Variants in GTF3C2 observed in about 807,000 individuals in gnomAD.
GTF3C2 encodes the protein general transcription factor IIIC subunit 2, also known as general transcription factor 3C polypeptide 2.
Under a neutral mutation model 117.4 loss-of-function variants are expected in GTF3C2, and 17 were observed. The observed-to-expected ratio is 0.14, with a 90% confidence interval of 0.10 to 0.22. The LOEUF is 0.22. Among genes scored for constraint, GTF3C2 ranks in the 10% least tolerant of loss-of-function variants. GTF3C2 has a pLI of 1.00. For synonymous variants in GTF3C2, 437 were observed against 427.0 expected (o/e 1.02, Z -0.29); for missense variants, 888 against 1,143.6 (o/e 0.78, Z 3.22).
At chr2:27,354,925 T>A (rs950345258) in intron 1 of GTF3C2, among the ~76,000 whole-genome samples, 1 of 152,178 alleles carries the variant, frequency 6.6e-6, no homozygotes, top group Non-Finnish European at 1.5e-5. Context: ...AGTACAAATC[T>A]CTTCATTAAT....
Position 27,337,226 on chromosome 2 carries a change from C to G in GTF3C2, c.1127+18G>C. The G allele has an allele frequency of 7.0e-7, 1 of 1,431,994 alleles. No individual in the cohort carries two copies. The highest frequency in any genetic ancestry group is 1.2e-5 in the South Asian group (1 of 84,388). 88.7% of individuals were successfully genotyped at this position (1,431,994 alleles called of 1,614,324 possible). A position where few individuals can be genotyped will look rare whatever the true frequency, so the allele number is the denominator to read the frequency against. On this transcript the variant is annotated intron_variant, in intron 7 of 18. Transcript: ENST00000264720. ...TGGCTCCTAGAATCAGAAAAAAGGG[C>G]GGATGTGCAATCTTCACCTGTTTAT...
intron 1 of GTF3C2, among the ~76,000 whole-genome samples, chr2:27,347,661 G>A (rs887595298): frequency 2.0e-5 from 3 of 152,200 alleles, no homozygotes; most frequent in Non-Finnish European, 4.4e-5. Context: ...AAAAATTCCT[G>A]CACTTTCAAA....
chr2:27,327,370 T>C (rs1354697478), intron 17 of GTF3C2, 86 bp from the exon 18 acceptor site: 13 of 643,674 alleles, frequency 2.0e-5, no homozygotes, highest in Admixed American at 7.7e-5. Flanking sequence ...TCACCCAGGC[T>C]GGAGTGCAGT....
intron 1 of GTF3C2, among the ~76,000 whole-genome samples, chr2:27,355,747 C>G (rs1456370608): frequency 6.6e-6 from 1 of 152,132 alleles, no homozygotes; most frequent in East Asian, 1.9e-4. Context: ...TATGAAATTA[C>G]TTTGAATACA....
intron 12 of GTF3C2, 197 bp downstream of exon 12, chr2:27,333,458 C>T (rs1157118318): frequency 1.9e-6 from 1 of 515,310 alleles, no homozygotes; most frequent in African/African-American, 1.9e-5. Context: ...CCTGGCCCAG[C>T]ATCTATGTAC....
Position 27,329,625 on chromosome 2 carries a change from A to T in GTF3C2, c.1733-102T>A. The T allele has an allele frequency of 9.2e-7, 1 of 1,090,348 alleles. No individual in the cohort carries two copies. The highest frequency in any genetic ancestry group is 1.3e-6 in the Non-Finnish European group (1 of 740,818). The allele number at this position is 1,090,348 out of a possible 1,614,324, so 67.5% of individuals were successfully genotyped here. On this transcript the variant is annotated intron_variant, in intron 12 of 18. Transcript: ENST00000264720. This position sits in a 1 kb window ranked among gnomAD's most constrained non-coding sequence, Gnocchi z 4.5. ...TAGGACCTTTGTCTTCTACCCTCAG[A>T]TCCAAACCACTATGAAAGGATGTGG... is the stretch of plus-strand genomic sequence containing the variant.
At chr2:27,342,315 A>T (rs1310268671) in intron 3 of GTF3C2, 82 bp from the exon 4 acceptor site, 1 of 1,116,826 alleles carries the variant, frequency 9.0e-7, no homozygotes, top group African/African-American at 1.6e-5. Flanking sequence ...TTTTATCTCA[A>T]TGGAGCCTCC....
rs544825914 is a variant in GTF3C2 at position 27,350,860 on chromosome 2, A to G, written c.-25+5879T>C. Among the ~76,000 whole-genome samples the G allele has an allele frequency of 3.9e-5, 6 of 151,942 alleles. No individual in the cohort carries two copies. The East Asian group carries it at 5.8e-4, about 15-fold the overall frequency. ...GCTACTCGGGAGGCTGAGGCAGGAG[A>G]ATCGCTTGAATACAGGAGGCAGAGT... On this transcript the variant is annotated intron_variant, in intron 1 of 18. Transcript: ENST00000264720.
exon 15 of GTF3C2, chr2:27,328,859 T>G: frequency 6.2e-7 from 1 of 1,612,848 alleles, no homozygotes. Flanking sequence ...CGGTGCCTTT[T>G]CGAGGAGCAG....
intron 4 of GTF3C2, chr2:27,338,235 T>C: frequency 1.8e-6 from 1 of 541,262 alleles, no homozygotes; most frequent in South Asian, 2.1e-5. Flanking sequence ...ATCTGTTACC[T>C]ATTTTCTGTT....
chr2:27,328,537 G>A (rs1363257196), exon 16 of GTF3C2: 5 of 1,609,088 alleles, frequency 3.1e-6, no homozygotes, highest in Non-Finnish European at 4.3e-6. Context: ...TAGCAGCAAT[G>A]AGCTCCCCGG....
exon 19 of GTF3C2, chr2:27,326,322 G>T: frequency 2.2e-6 from 1 of 456,998 alleles, no homozygotes. Context: ...CCATTCACAA[G>T]TGGTCACAAA....
intron 1 of GTF3C2, among the ~76,000 whole-genome samples, chr2:27,352,995 C>T (rs748136066): frequency 6.6e-6 from 1 of 152,174 alleles, no homozygotes; most frequent in Non-Finnish European, 1.5e-5. Flanking sequence ...TTTGCAAACT[C>T]ACCTCTTTTG....
rs565342096 is a variant in GTF3C2, at chr2:27,355,267, A to G, written c.-25+1472T>C. ...GCCGGGCACGGTGGCTCACGCCTGT[A>G]ATCCCAGCACTTTAGGAGGCCGAGG... On this transcript the variant is annotated intron_variant, in intron 1 of 18. Coordinates refer to ENST00000264720, the Ensembl canonical transcript of GTF3C2. Among the ~76,000 whole-genome samples, 4 of 152,322 alleles carry G rather than the reference A, an allele frequency of 2.6e-5. No homozygotes were observed. The East Asian group carries it at 7.7e-4, about 29-fold the overall frequency.
intron 11 of GTF3C2, 43 bp downstream of exon 11, chr2:27,333,930 TA>T: frequency 6.6e-7 from 1 of 1,519,286 alleles, no homozygotes; most frequent in Non-Finnish European, 9.1e-7. Context: ...GGTGAGGCTC[TA>T]AGAAGATGGA....
rs1201796068 is a variant in GTF3C2 at position 27,329,542 on chromosome 2, G to C, written c.1733-19C>G. 1 of 1,612,168 alleles carries C rather than the reference G, an allele frequency of 6.2e-7. No homozygotes were observed. The highest frequency in any genetic ancestry group is 1.7e-5 in the Admixed American group (1 of 59,694). On this transcript the variant is annotated intron_variant, in intron 12 of 18. Transcript: ENST00000264720. This position sits in a 1 kb window ranked among gnomAD's most constrained non-coding sequence, Gnocchi z 4.5. The stretch of plus-strand genomic sequence containing the variant: ...ACCATGCCTGAAATAAGGACAGAAT[G>C]TGTGAGCATTAAAAGCAAGTTCTCT...
At chr2:27,355,937 A>T (rs1681358157) in intron 1 of GTF3C2, 1 of 428,326 alleles carries the variant, frequency 2.3e-6, no homozygotes, top group East Asian at 7.2e-5. Context: ...TTAGGTCGAG[A>T]CTAATGCATT....
At position 27,337,996 on chromosome 2, in the gene GTF3C2, T is replaced by G. The variant is rs772833375; in HGVS notation, c.880A>C (p.Met294Leu). The G allele has an allele frequency of 4.3e-6, 7 of 1,610,764 alleles. No individual in the cohort carries two copies. In the African/African-American group the frequency reaches 5.3e-5, roughly 12 times the overall value. Residue 294 changes from methionine (M) to leucine (L), a missense_variant, in exon 5 of 19, where the codon ATG becomes CTG. By Grantham distance (15) the Met-to-Leu change is conservative. This residue lies in a region of GTF3C2 where 393 missense variants were observed against 401.5 expected (regional missense o/e 0.98). Coordinates refer to ENST00000264720, the Ensembl canonical transcript of GTF3C2. Reference sequence around the variant, plus strand: ...TGATTTGGTAAGCCATTGGGAGCCATTCCTCGGCAGTGTGGTTTCTGTTTC... The same window carrying G: ...TGATTTGGTAAGCCATTGGGAGCCAGTCCTCGGCAGTGTGGTTTCTGTTTC...
At chr2:27,351,856 G>A (rs567133393) in intron 1 of GTF3C2, among the ~76,000 whole-genome samples, 10 of 152,092 alleles carry the variant, frequency 6.6e-5, no homozygotes, top group Non-Finnish European at 1.2e-4. Flanking sequence ...GCCACTTGCA[G>A]ACCAACAGTC....
Sources: allele counts gnomAD v4.1 joint callset (sites outside exome capture counted in the v4.1 genomes callset), GRCh38; gene constraint gnomAD v4.1.1; regional missense constraint gnomAD v4.1.1; non-coding constraint Gnocchi (gnomAD v3.1); transcripts MANE v1.5; gene names NCBI Gene and HGNC (gene_info 2026-07-23, HGNC 2026-07-21).